The following LCLAT1 variants were observed in gnomAD, a reference collection of about 807,000 sequenced individuals.
LCLAT1 encodes lysocardiolipin acyltransferase 1.
In LCLAT1, 11 loss-of-function variants were observed where a neutral mutation model predicts 30.7. That is an observed-to-expected ratio of 0.36 (90% confidence interval 0.23 to 0.59). The LOEUF is 0.59. LCLAT1 is among the 20% of genes least tolerant of loss of function. The pLI is 0.77. For synonymous variants in LCLAT1, 155 were observed against 151.3 expected (o/e 1.02, Z -0.18); for missense variants, 402 against 458.6 (o/e 0.88, Z 1.13).
chr2:30,501,789 T>A (rs932275414), intron 1 of LCLAT1, among the ~76,000 whole-genome samples: 2 of 152,244 alleles, frequency 1.3e-5, no homozygotes, highest in African/African-American at 4.8e-5. Flanking sequence ...TTTTATGCCT[T>A]CCAATGAATC....
intron 3 of LCLAT1, among the ~76,000 whole-genome samples, chr2:30,555,804 A>G (rs1207053914): frequency 6.6e-6 from 1 of 151,348 alleles, no homozygotes; most frequent in Non-Finnish European, 1.5e-5. Flanking sequence ...AACTACTACA[A>G]TAGGGGTCAA....
chr2:30,623,129 C>G (rs990345361), intron 5 of LCLAT1, among the ~76,000 whole-genome samples: 1 of 144,114 alleles, frequency 6.9e-6, no homozygotes. Context: ...TCTCTGCTCA[C>G]TGCAAGCTCC....
chr2:30,615,477 A>G (rs754705010), intron 5 of LCLAT1, among the ~76,000 whole-genome samples: 1 of 152,128 alleles, frequency 6.6e-6, no homozygotes, highest in Non-Finnish European at 1.5e-5. Context: ...AATCCAAGCA[A>G]CTGGGACACA....
chr2:30,628,412 T>A lies in LCLAT1; in HGVS notation c.629-11705T>A, dbSNP rs574446939. ...GGTTTTTTGGGAGGGATATAAGGTA[T>A]TTGTTTTGGAATTGAATTAAATGCT... On this transcript the variant is annotated intron_variant, in intron 5 of 5. Transcript: ENST00000379509. Among the ~76,000 whole-genome samples the A allele has an allele frequency of 2.6e-5, 4 of 152,320 alleles. No individual in the cohort carries two copies. In the East Asian group the frequency reaches 5.8e-4, roughly 22 times the overall value.
At chr2:30,514,914 A>G (rs1685111933) in intron 1 of LCLAT1, among the ~76,000 whole-genome samples, 1 of 152,208 alleles carries the variant, frequency 6.6e-6, no homozygotes, top group Non-Finnish European at 1.5e-5. Context: ...ATCCTAAAAC[A>G]TGACTCATAT....
intron 5 of LCLAT1, chr2:30,607,845 CTGTGTGTGTGTGTGTGTGTGTGTGTG>C (rs55801578): frequency 0.14 from 19,460 of 138,360 alleles, 1,412 homozygotes; most frequent in African/African-American, 0.16. Flanking sequence ...TAGGCCTAGG[CTGTGTGTGTGTGTGTGTGTGTGTGTG>C]TGTGTGTGTG....
In LCLAT1 at chr2:30,641,982, T is replaced by A. The variant is rs1262421264; in HGVS notation, c.*1363T>A. On this transcript the variant is annotated 3_prime_UTR_variant, in exon 6 of 6. Coordinates refer to ENST00000379509, the MANE Select transcript of LCLAT1 (RefSeq NM_001002257.3). ...TATGAGGCAATTAAAAGTCTTTAGC[T>A]GTTAGCAAACCTGTTAGTTTTACTT... 6.6e-6 allele frequency: 1 copy of A among 151,966 alleles called. No homozygotes were observed. Among genetic ancestry groups the A allele is most frequent in the Non-Finnish European group, 1.5e-5 (1 of 68,024 alleles). 9.4% of individuals were successfully genotyped at this position (151,966 alleles called of 1,614,324 possible).
intron 1 of LCLAT1, among the ~76,000 whole-genome samples, chr2:30,473,451 A>C (rs911571647): frequency 2.0e-5 from 3 of 152,178 alleles, no homozygotes; most frequent in Non-Finnish European, 4.4e-5. Context: ...GGTCACCCGC[A>C]TCTGGAACAT....
At chr2:30,609,148 G>A (rs7575334) in intron 5 of LCLAT1, among the ~76,000 whole-genome samples, 5 of 151,062 alleles carry the variant, frequency 3.3e-5, no homozygotes, top group Middle Eastern at 3.4e-3. Flanking sequence ...TTGTTAATTC[G>A]CACTAGTTCT....
At chr2:30,626,614 T>C (rs1290851344) in intron 5 of LCLAT1, among the ~76,000 whole-genome samples, 1 of 152,166 alleles carries the variant, frequency 6.6e-6, no homozygotes, top group Non-Finnish European at 1.5e-5. Context: ...ACTTCTGCAT[T>C]TATTTTTTAG....
At chr2:30,515,580 G>GT (rs1685140819) in intron 1 of LCLAT1, among the ~76,000 whole-genome samples, 1 of 152,098 alleles carries the variant, frequency 6.6e-6, no homozygotes, top group African/African-American at 2.4e-5. Flanking sequence ...GTGGTCATTT[G>GT]GAAAAACTTG....
chr2:30,448,311 G>A (rs1050698168), intron 1 of LCLAT1, among the ~76,000 whole-genome samples: 2 of 152,178 alleles, frequency 1.3e-5, no homozygotes, highest in African/African-American at 4.8e-5. Flanking sequence ...AACTACGTGG[G>A]TTAGTTTTCA....
intron 5 of LCLAT1, among the ~76,000 whole-genome samples, chr2:30,639,144 C>T (rs931787695): frequency 1.3e-5 from 2 of 152,138 alleles, no homozygotes; most frequent in Admixed American, 1.3e-4. Context: ...GGTCTTGGAC[C>T]ACATGGCTCC....
At chr2:30,542,757 A>G (rs370468184) in intron 3 of LCLAT1, among the ~76,000 whole-genome samples, 1 of 152,158 alleles carries the variant, frequency 6.6e-6, no homozygotes, top group Non-Finnish European at 1.5e-5. Flanking sequence ...GATTGATGCT[A>G]TTTTGGAGTT....
chr2:30,591,794 C>T (rs1339122487), intron 5 of LCLAT1, among the ~76,000 whole-genome samples: 2 of 152,150 alleles, frequency 1.3e-5, no homozygotes, highest in East Asian at 3.8e-4. Flanking sequence ...TATCCCTTTG[C>T]CTCAAATACT....
At chr2:30,477,904 C>T (rs182716490) in intron 1 of LCLAT1, among the ~76,000 whole-genome samples, 34 of 152,044 alleles carry the variant, frequency 2.2e-4, no homozygotes, top group East Asian at 7.7e-4. Context: ...TGAAATTTTA[C>T]GATTTTCCTT....
chr2:30,570,043 A>G (rs539230315), intron 5 of LCLAT1, among the ~76,000 whole-genome samples: 1 of 151,952 alleles, frequency 6.6e-6, no homozygotes, highest in African/African-American at 2.4e-5. Flanking sequence ...ATGTTTTTCT[A>G]TTTTACAGTA....
chr2:30,467,419 G>C (rs1310783957), intron 1 of LCLAT1, among the ~76,000 whole-genome samples: 1 of 152,220 alleles, frequency 6.6e-6, no homozygotes, highest in Non-Finnish European at 1.5e-5. Flanking sequence ...TGTCTTTATA[G>C]CAGCATGATT....
At chr2:30,549,284 T>C (rs768471870) in intron 3 of LCLAT1, among the ~76,000 whole-genome samples, 10 of 152,182 alleles carry the variant, frequency 6.6e-5, no homozygotes, top group Admixed American at 1.3e-4. Flanking sequence ...ATGTGTACTA[T>C]TTCTAATACC....
Sources: allele counts gnomAD v4.1 joint callset (sites outside exome capture counted in the v4.1 genomes callset), GRCh38; gene constraint gnomAD v4.1.1; transcripts MANE v1.5; gene names NCBI Gene and HGNC (gene_info 2026-07-23, HGNC 2026-07-21).